PAWR: variants seen among roughly 807,000 people sequenced by gnomAD.
The protein encoded by PAWR is PRKC apoptosis WT1 regulator protein.
A neutral mutation model predicts 32.0 loss-of-function variants in PAWR; 23 were observed. The ratio of observed to expected loss-of-function variants is 0.72; its 90% CI spans 0.52 to 1.02. The LOEUF is 1.02. PAWR is among the 50% of genes least tolerant of loss of function. The probability of loss-of-function intolerance (pLI) is 0.00; values close to 1 mark genes in which losing one functional copy is unlikely to be tolerated. For synonymous variants in PAWR, 226 were observed against 187.1 expected (o/e 1.21, Z -1.70); for missense variants, 457 against 437.7 (o/e 1.04, Z -0.39).
chr12:79,631,508 A>G (rs1231777508), intron 2 of PAWR, among the ~76,000 whole-genome samples: 1 of 152,230 alleles, frequency 6.6e-6, no homozygotes, highest in Non-Finnish European at 1.5e-5. Flanking sequence ...ATTTTTATAT[A>G]ATGGCAACCA....
At chr12:79,643,444 C>T (rs1393245998) in intron 2 of PAWR, among the ~76,000 whole-genome samples, 3 of 152,030 alleles carry the variant, frequency 2.0e-5, no homozygotes, top group Non-Finnish European at 2.9e-5. Context: ...TCCAGGTACC[C>T]CCTGCCGTGA....
intron 4 of PAWR, among the ~76,000 whole-genome samples, chr12:79,609,607 G>C (rs1793278568): frequency 6.6e-6 from 1 of 152,072 alleles, no homozygotes; most frequent in African/African-American, 2.4e-5. Context: ...TTTGACTTCA[G>C]AGTAATGGCT....
Position 79,655,663 on chromosome 12 carries a change from T to A in PAWR, c.516+34066A>T, listed in dbSNP as rs188483433. Among the ~76,000 whole-genome samples, 100 of 152,352 alleles carry A rather than the reference T, an allele frequency of 6.6e-4. No individual in the cohort carries two copies. In the South Asian group the frequency reaches 6.8e-3, roughly 10 times the overall value. On this transcript the variant is annotated intron_variant, in intron 2 of 6. Transcript: ENST00000328827. ...CTCAGATACTACATTTCCAACAATA[T>A]TCTGAAATGGAGCAACTCAGCCTCT... is the stretch of plus-strand genomic sequence containing the variant.
intron 2 of PAWR, among the ~76,000 whole-genome samples, chr12:79,632,381 A>T (rs1875749397): frequency 1.1e-5 from 1 of 94,754 alleles, no homozygotes; most frequent in Non-Finnish European, 1.8e-5. Context: ...TTTTTTAGAC[A>T]GGGTCTTGGC....
intron 2 of PAWR, among the ~76,000 whole-genome samples, chr12:79,633,111 A>G (rs1243466794): frequency 6.6e-6 from 1 of 152,124 alleles, no homozygotes; most frequent in Admixed American, 6.6e-5. Context: ...GGCAAAAGAG[A>G]GAGACTCTGT....
At chr12:79,615,268 C>T (rs1180935888) in intron 3 of PAWR, among the ~76,000 whole-genome samples, 1 of 152,166 alleles carries the variant, frequency 6.6e-6, no homozygotes, top group Non-Finnish European at 1.5e-5. Context: ...TAAGAACCCT[C>T]CACCAGCAAT....
intron 2 of PAWR, among the ~76,000 whole-genome samples, chr12:79,683,791 C>G (rs1878555333): frequency 6.6e-6 from 1 of 152,090 alleles, no homozygotes; most frequent in African/African-American, 2.4e-5. Context: ...ATGGCAAAAA[C>G]TGTGATTACT....
rs1324518003 is a variant in PAWR at position 79,592,978 on chromosome 12, A to T, written c.937-285T>A. Among the ~76,000 whole-genome samples the T allele has an allele frequency of 2.6e-5, 4 of 152,184 alleles. No homozygotes were observed. In the South Asian group the frequency reaches 6.2e-4, roughly 24 times the overall value. On this transcript the variant is annotated intron_variant, in intron 6 of 6. Coordinates refer to ENST00000328827, the MANE Select transcript of PAWR (RefSeq NM_002583.4). ...ATTGTGAATCTTCCAATTTTCAATC[A>T]TCATAAATAAGTTAGTTTTTTAGCT...
chr12:79,595,683 C>A (rs967255863), intron 5 of PAWR, among the ~76,000 whole-genome samples: 1 of 152,010 alleles, frequency 6.6e-6, no homozygotes, highest in Non-Finnish European at 1.5e-5. Flanking sequence ...CCCTTCTCTA[C>A]TAAAAATACA....
chr12:79,632,349 ATATATATATATAT>A (rs1410407052), intron 2 of PAWR, among the ~76,000 whole-genome samples: 440 of 33,560 alleles, frequency 0.013, 15 homozygotes, highest in Non-Finnish European at 0.016. Flanking sequence ...ATATATATAT[ATATATATATATAT>A]TTTTTTTTTT....
At chr12:79,612,619 A>T (rs560024167) in intron 4 of PAWR, among the ~76,000 whole-genome samples, 2 of 152,332 alleles carry the variant, frequency 1.3e-5, no homozygotes, top group African/African-American at 2.4e-5. Flanking sequence ...CTCATCTATA[A>T]AAGAGAAATA....
At chr12:79,619,652 T>C (rs1874908094) in intron 3 of PAWR, among the ~76,000 whole-genome samples, 1 of 152,190 alleles carries the variant, frequency 6.6e-6, no homozygotes, top group African/African-American at 2.4e-5. Flanking sequence ...TTGTAAAAAG[T>C]ACAACTGTTA....
chr12:79,683,266 A>G (rs1284327598), intron 2 of PAWR, among the ~76,000 whole-genome samples: 1 of 152,346 alleles, frequency 6.6e-6, no homozygotes, highest in East Asian at 1.9e-4. Context: ...AGTAACTACA[A>G]TTTCTGATTT....
At chr12:79,616,428 T>G (rs73343666) in intron 3 of PAWR, among the ~76,000 whole-genome samples, 2,835 of 152,250 alleles carry the variant, frequency 0.019, 100 homozygotes, top group African/African-American at 0.064. Flanking sequence ...CAACTGAAAT[T>G]GTATGAATAA....
intron 2 of PAWR, among the ~76,000 whole-genome samples, chr12:79,687,357 A>G (rs1878731301): frequency 6.6e-6 from 1 of 152,162 alleles, no homozygotes; most frequent in African/African-American, 2.4e-5. Context: ...GAGGTAATGA[A>G]AGTCACAATA....
At position 79,690,217 on chromosome 12, in the gene PAWR, T is replaced by C; in HGVS notation, c.28A>G (p.Ser10Gly). The change falls in exon 2 of 7, where the codon AGC (serine) becomes GGC (glycine). Residue 10 changes from serine (S) to glycine (G), a missense_variant. Transcript: ENST00000328827. ...TCTGTGGTGCTGCCGCCGAGGCCGCTGCTGGTCCGGTAGCCACCGGTCGCC... is the reference window on the plus strand; with the variant it reads ...TCTGTGGTGCTGCCGCCGAGGCCGCCGCTGGTCCGGTAGCCACCGGTCGCC... MATGGYRTSSGLGGSTTDFL... is the reference protein window; with the variant it reads MATGGYRTSGGLGGSTTDFL... 2.0e-6 allele frequency: 3 copies of C among 1,524,870 alleles called. No individual in the cohort carries two copies. The highest frequency in any genetic ancestry group is 1.4e-5 in the African/African-American group (1 of 70,616). The allele number at this position is 1,524,870 out of a possible 1,614,324, so 94.5% of individuals were successfully genotyped here. A position where few individuals can be genotyped will look rare whatever the true frequency, so the allele number is the denominator to read the frequency against.
At position 79,588,802 on chromosome 12, in the gene PAWR, T is replaced by A. The variant is rs1030802680; in HGVS notation, c.*3805A>T. On this transcript the variant is annotated 3_prime_UTR_variant, in exon 7 of 7. Transcript: ENST00000328827. Reference sequence around the variant, plus strand: ...AACATGCTATGAGATTCTAGCTAAGTAAAATAAAAACAATATGGACTCAGA... The same window carrying A: ...AACATGCTATGAGATTCTAGCTAAGAAAAATAAAAACAATATGGACTCAGA... The A allele has an allele frequency of 2.6e-5, 4 of 151,984 alleles. No individual in the cohort carries two copies. The highest frequency in any genetic ancestry group is 9.7e-5 in the African/African-American group (4 of 41,430). 9.4% of individuals were successfully genotyped at this position (151,984 alleles called of 1,614,324 possible).
At chr12:79,686,163 A>C (rs907478338) in intron 2 of PAWR, among the ~76,000 whole-genome samples, 1 of 152,140 alleles carries the variant, frequency 6.6e-6, no homozygotes, top group African/African-American at 2.4e-5. Context: ...TGCCACCTCT[A>C]CCTATTCAAA....
chr12:79,621,314 A>G, intron 2 of PAWR, 107 bp from the exon 3 acceptor site: 1 of 795,630 alleles, frequency 1.3e-6, no homozygotes, highest in South Asian at 2.0e-5. Context: ...GCATTCAGAA[A>G]TTAGTTTGCA....
Sources: allele counts gnomAD v4.1 joint callset (sites outside exome capture counted in the v4.1 genomes callset), GRCh38; gene constraint gnomAD v4.1.1; transcripts MANE v1.5; gene names NCBI Gene and HGNC (gene_info 2026-07-23, HGNC 2026-07-21).